Variants in LRFN1 observed in about 807,000 individuals in gnomAD.
LRFN1 encodes the protein leucine-rich repeat and fibronectin type III domain-containing protein 1.
Under a neutral mutation model 31.8 loss-of-function variants are expected in LRFN1, and 20 were observed. That is an observed-to-expected ratio of 0.63 (90% CI 0.44 to 0.91). The LOEUF is 0.91. Among genes scored for constraint, LRFN1 ranks in the 40% least tolerant of loss-of-function variants. The pLI, the probability that LRFN1 is intolerant of heterozygous loss-of-function variation, is 0.00. For synonymous variants in LRFN1, 514 were observed against 541.3 expected (o/e 0.95, Z 0.70); for missense variants, 912 against 1,129.8 (o/e 0.81, Z 2.76).
chr19:39,314,825 T>C lies in LRFN1; in HGVS notation c.512A>G (p.Tyr171Cys), dbSNP rs766887592. The C allele has an allele frequency of 6.2e-7, 1 of 1,612,882 alleles. No homozygotes were observed. Among genetic ancestry groups the C allele is most frequent in the Non-Finnish European group, 8.5e-7 (1 of 1,179,462 alleles). Residue 171 changes from tyrosine (Y) to cysteine (C), a missense_variant, in exon 4 of 5, where the codon TAC (tyrosine) becomes TGC (cysteine). Tyr to Cys is a radical substitution (Grantham distance 194). Coordinates refer to ENST00000248668, the MANE Select transcript of LRFN1 (RefSeq NM_020862.2). ...LSTVEDLDLS[Y>C]NNLEALPWEA... The stretch of plus-strand genomic sequence containing the variant: ...CCACGGCAGGGCCTCCAGGTTGTTG[T>C]AGGACAGATCCAGGTCCTCCACGGT...
intron 4 of LRFN1, among the ~76,000 whole-genome samples, chr19:39,311,955 C>T (rs968114462): frequency 6.6e-5 from 10 of 150,886 alleles, no homozygotes; most frequent in Admixed American, 5.3e-4. Flanking sequence ...CTGCAACCTC[C>T]GCCTCCCAGG....
chr19:39,314,422 C>CGCCT lies in LRFN1; in HGVS notation c.911_914dup (p.Arg308GlyfsTer20). On this transcript the variant is annotated frameshift_variant, in exon 4 of 5. Coordinates refer to ENST00000248668, the MANE Select transcript of LRFN1 (RefSeq NM_020862.2). LOFTEE classifies it high-confidence loss of function. Reference sequence around the variant, plus strand: ...CTTCCACCACCAGGGCCCGGCCCCCCGCCTGCCGTGTGATCAGCGGGGGCT... The same window carrying CGCCT: ...CTTCCACCACCAGGGCCCGGCCCCCCGCCTGCCTGCCGTGTGATCAGCGGGGGCT... 6.2e-7 allele frequency: 1 copy of CGCCT among 1,606,252 alleles called. No homozygotes were observed. Among genetic ancestry groups the CGCCT allele is most frequent in the South Asian group, 1.1e-5 (1 of 89,990 alleles).
chr19:39,314,466 C>T lies in LRFN1; in HGVS notation c.871G>A (p.Glu291Lys). 6.2e-7 allele frequency: 1 copy of T among 1,610,252 alleles called. No homozygotes were observed. The highest frequency in any genetic ancestry group is 8.5e-7 in the Non-Finnish European group (1 of 1,179,106). The part of the protein sequence containing the change: ...LTDRYFWSIP[E>K]EEFLCEPPLI... ...GGGGGCTCACACAGGAACTCCTCCT[C>T]GGGGATGGACCAGAAGTAGCGGTCG... is the stretch of plus-strand genomic sequence containing the variant. Residue 291 changes from glutamate (E) to lysine (K), a missense_variant, in exon 4 of 5, where the codon GAG becomes AAG. Transcript: ENST00000248668.
intron 4 of LRFN1, among the ~76,000 whole-genome samples, chr19:39,310,744 C>T (rs892267581): frequency 2.0e-5 from 3 of 152,158 alleles, no homozygotes; most frequent in African/African-American, 4.8e-5. Flanking sequence ...TCCCCACCTC[C>T]GAAGGCCTGC....
chr19:39,317,738 G>A (rs2082476200), intron 2 of LRFN1, among the ~76,000 whole-genome samples: 1 of 151,984 alleles, frequency 6.6e-6, no homozygotes, highest in Non-Finnish European at 1.5e-5. Context: ...GTTGCTATGA[G>A]GATTTAATGA....
At position 39,315,502 on chromosome 19, in the gene LRFN1, C is replaced by T; in HGVS notation, c.-37-129G>A. The T allele has an allele frequency of 1.7e-6, 1 of 593,744 alleles. No individual in the cohort carries two copies. Among genetic ancestry groups the T allele is most frequent in the Non-Finnish European group, 2.9e-6 (1 of 348,010 alleles). 36.8% of individuals were successfully genotyped at this position (593,744 alleles called of 1,614,324 possible). A position where few individuals can be genotyped will look rare whatever the true frequency, so the allele number is the denominator to read the frequency against. Reference sequence around the variant, plus strand: ...TCCATAGGATGGTGAGAGGAAGCCACTATCAGCTATTAACAACAGATTACA... The same window carrying T: ...TCCATAGGATGGTGAGAGGAAGCCATTATCAGCTATTAACAACAGATTACA... On this transcript the variant is annotated intron_variant, in intron 3 of 4. Coordinates refer to ENST00000248668, the MANE Select transcript of LRFN1 (RefSeq NM_020862.2). This position sits in a 1 kb window ranked among gnomAD's most constrained non-coding sequence, Gnocchi z 4.7.
chr19:39,315,063 C>G lies in LRFN1; in HGVS notation c.274G>C (p.Val92Leu). The G allele has an allele frequency of 6.3e-7, 1 of 1,595,968 alleles. No individual in the cohort carries two copies. The highest frequency in any genetic ancestry group is 8.5e-7 in the Non-Finnish European group (1 of 1,178,368). Residue 92 changes from valine to leucine, a missense_variant, in exon 4 of 5, where the codon GTG (valine) becomes CTG (leucine). Coordinates refer to ENST00000248668, the MANE Select transcript of LRFN1 (RefSeq NM_020862.2). This position sits in a 1 kb window ranked among gnomAD's most constrained non-coding sequence, Gnocchi z 4.7. The part of the protein sequence containing the change: ...RRDFANMTSL[V>L]HLTLSRNTIG... ...GTGTTCCGGGAGAGAGTGAGGTGCA[C>G]CAGGCTGGTCATGTTGGCGAAGTCT...
chr19:39,307,582 G>A lies in LRFN1; in HGVS notation c.*51C>T. On this transcript the variant is annotated 3_prime_UTR_variant, in exon 5 of 5. Transcript: ENST00000248668. The surrounding 1 kb of genome is among the most constrained non-coding windows in gnomAD (Gnocchi z 6.7). ...CCCAGTCCCGCCCCAGCGTCCGTGC[G>A]GCTGGGCGTTTGGTCTGCGGCACCC... The A allele has an allele frequency of 7.4e-7, 1 of 1,356,380 alleles. No individual in the cohort carries two copies. 84.0% of individuals were successfully genotyped at this position (1,356,380 alleles called of 1,614,324 possible).
At position 39,307,984 on chromosome 19, in the gene LRFN1, G is replaced by C; in HGVS notation, c.1965C>G (p.Ser655=). 1 of 1,580,340 alleles carries C rather than the reference G, an allele frequency of 6.3e-7. No individual in the cohort carries two copies. Among genetic ancestry groups the C allele is most frequent in the Non-Finnish European group, 8.5e-7 (1 of 1,170,702 alleles). ...GSATSLCLLP[S]EETSGEESRA... The stretch of plus-strand genomic sequence containing the variant: ...GAGACTCCTCCCCGGAAGTTTCCTC[G>C]GATGGCAGCAGGCACAGCGAGGTGG... The change falls in exon 5 of 5, where the codon TCC becomes TCG. Residue 655 remains serine, a synonymous_variant. Coordinates refer to ENST00000248668, the MANE Select transcript of LRFN1 (RefSeq NM_020862.2). The surrounding 1 kb of genome is among the most constrained non-coding windows in gnomAD (Gnocchi z 6.7).
chr19:39,311,707 G>A (rs756708418), intron 4 of LRFN1, among the ~76,000 whole-genome samples: 6 of 152,008 alleles, frequency 3.9e-5, no homozygotes, highest in Non-Finnish European at 8.8e-5. Flanking sequence ...TTTGTGTTTT[G>A]TTCATTTGTT....
In LRFN1 at chr19:39,315,158, G is replaced by T; in HGVS notation, c.179C>A (p.Pro60Gln). 1 of 1,590,862 alleles carries T rather than the reference G, an allele frequency of 6.3e-7. No individual in the cohort carries two copies. Among genetic ancestry groups the T allele is most frequent in the Non-Finnish European group, 8.5e-7 (1 of 1,175,512 alleles). ...CACCACGCGCCGGTCGATGGCGGGCGGCACAAAGAGCAAGCCGGTCTTGGC... is the reference window on the plus strand; with the variant it reads ...CACCACGCGCCGGTCGATGGCGGGCTGCACAAAGAGCAAGCCGGTCTTGGC... ...LCAKTGLLFV[P>Q]PAIDRRVVEL... is the part of the protein sequence containing the mutation. The change falls in exon 4 of 5, where the codon CCG (proline) becomes CAG (glutamine). Residue 60 changes from proline (P) to glutamine (Q), a missense_variant. Pro to Gln is a moderately conservative substitution (Grantham distance 76). Transcript: ENST00000248668. The surrounding 1 kb of genome is among the most constrained non-coding windows in gnomAD (Gnocchi z 4.7).
chr19:39,315,430 T>C lies in LRFN1; in HGVS notation c.-37-57A>G. The C allele has an allele frequency of 8.4e-7, 1 of 1,193,016 alleles. No individual in the cohort carries two copies. The highest frequency in any genetic ancestry group is 1.1e-6 in the Non-Finnish European group (1 of 881,178). 73.9% of individuals were successfully genotyped at this position (1,193,016 alleles called of 1,614,324 possible). ...GGGACTTGGCCGCCATGGGATGTCC[T>C]GCTACGAGTCAGGCCTGGATCCCTC... On this transcript the variant is annotated intron_variant, in intron 3 of 4. Coordinates refer to ENST00000248668, the MANE Select transcript of LRFN1 (RefSeq NM_020862.2). The surrounding 1 kb of genome is among the most constrained non-coding windows in gnomAD (Gnocchi z 4.7).
intron 1 of LRFN1, among the ~76,000 whole-genome samples, chr19:39,319,296 G>A (rs1236806654): frequency 1.3e-5 from 2 of 152,014 alleles, no homozygotes; most frequent in African/African-American, 2.4e-5. Context: ...GCACACAGGG[G>A]CACACACATC....
chr19:39,313,462 C>T (rs186095325), intron 4 of LRFN1, among the ~76,000 whole-genome samples: 33 of 152,224 alleles, frequency 2.2e-4, no homozygotes, highest in African/African-American at 5.5e-4. Flanking sequence ...ACCCGGGAGG[C>T]GGAGGGTTTC....
At chr19:39,310,669 A>G (rs1253793899) in intron 4 of LRFN1, among the ~76,000 whole-genome samples, 1 of 151,998 alleles carries the variant, frequency 6.6e-6, no homozygotes, top group Admixed American at 6.6e-5. Flanking sequence ...CCCGGGAGAC[A>G]AGGACTGCCC....
chr19:39,308,384 GC>G lies in LRFN1; in HGVS notation c.1564del (p.Ala522ArgfsTer6). 6.2e-7 allele frequency: 1 copy of G among 1,611,678 alleles called. No individual in the cohort carries two copies. The highest frequency in any genetic ancestry group is 8.5e-7 in the Non-Finnish European group (1 of 1,179,280). ...ATGGGCCCTCAGCGGGCGGCAGGGC[GC>G]CGGATCCCCAGCGGTGGTGAACTGT... ...CVQFTTAGDP[A>X]PCRPLRAHFL... On this transcript the variant is annotated frameshift_variant, in exon 5 of 5. Coordinates refer to ENST00000248668, the MANE Select transcript of LRFN1 (RefSeq NM_020862.2). LOFTEE classifies it low-confidence loss of function (END_TRUNC). The surrounding 1 kb of genome is among the most constrained non-coding windows in gnomAD (Gnocchi z 6.2).
In LRFN1 at chr19:39,313,915, C is replaced by T; in HGVS notation, c.1406+16G>A. ...GGCTTGGGAGGAGGCCCTGGGACTG[C>T]AGCACCCGCACCCACCTGTAGACGA... On this transcript the variant is annotated intron_variant, in intron 4 of 4. Transcript: ENST00000248668. 6.4e-7 allele frequency: 1 copy of T among 1,570,906 alleles called. No homozygotes were observed. Among genetic ancestry groups the T allele is most frequent in the Non-Finnish European group, 8.6e-7 (1 of 1,158,174 alleles).
intron 1 of LRFN1, among the ~76,000 whole-genome samples, chr19:39,320,016 G>GC (rs1041963411): frequency 6.6e-6 from 1 of 150,528 alleles, no homozygotes; most frequent in African/African-American, 2.4e-5. Context: ...CCGGGTCTTC[G>GC]CCCCCCAACC....
Position 39,308,068 on chromosome 19 carries a change from C to T in LRFN1, c.1881G>A (p.Glu627=), listed in dbSNP as rs766193622. 1 of 1,512,400 alleles carries T rather than the reference C, an allele frequency of 6.6e-7. No individual in the cohort carries two copies. Among genetic ancestry groups the T allele is most frequent in the South Asian group, 1.3e-5 (1 of 78,580 alleles). 93.7% of individuals were successfully genotyped at this position (1,512,400 alleles called of 1,614,324 possible). ...CCGGCTCCGCGGATGCCGTCTCGGCCTCCATGGCCTTGGCCTCGACGGCGA... is the reference window on the plus strand; with the variant it reads ...CCGGCTCCGCGGATGCCGTCTCGGCTTCCATGGCCTTGGCCTCGACGGCGA... ...PAVAVEAKAM[E]AETASAEPEV... Residue 627 remains glutamate (E), a synonymous_variant, in exon 5 of 5, where the codon GAG becomes GAA. Transcript: ENST00000248668. The surrounding 1 kb of genome is among the most constrained non-coding windows in gnomAD (Gnocchi z 6.2).
Sources: allele counts gnomAD v4.1 joint callset (sites outside exome capture counted in the v4.1 genomes callset), GRCh38; gene constraint gnomAD v4.1.1; non-coding constraint Gnocchi (gnomAD v3.1); transcripts MANE v1.5; gene names NCBI Gene and HGNC (gene_info 2026-07-23, HGNC 2026-07-21).